Variants in MAN1C1 observed in about 807,000 individuals in gnomAD.
MAN1C1 encodes mannosidase alpha class 1C member 1, also known as mannosyl-oligosaccharide 1,2-alpha-mannosidase IC.
MAN1C1 carries 49 observed loss-of-function variants against 71.5 expected under a neutral mutation model. That is an observed-to-expected ratio of 0.69 (90% CI 0.54 to 0.87). The LOEUF (loss-of-function observed/expected upper bound fraction) is 0.87, where lower values mean the gene tolerates loss of function less well. Among genes scored for constraint, MAN1C1 ranks in the 40% least tolerant of loss-of-function variants. MAN1C1 has a pLI of 0.00. For synonymous variants in MAN1C1, 352 were observed against 343.7 expected (o/e 1.02, Z -0.27); for missense variants, 743 against 835.0 (o/e 0.89, Z 1.36).
chr1:25,698,468 A>G (rs1394356760), intron 2 of MAN1C1, among the ~76,000 whole-genome samples: 1 of 152,190 alleles, frequency 6.6e-6, no homozygotes. Flanking sequence ...AGTGCCTGCC[A>G]TGCGCTACAG....
At chr1:25,688,223 T>C (rs2046261312) in intron 2 of MAN1C1, among the ~76,000 whole-genome samples, 1 of 152,202 alleles carries the variant, frequency 6.6e-6, no homozygotes, top group Non-Finnish European at 1.5e-5. Flanking sequence ...ACTTCAAATA[T>C]GAATTAAAGA....
At position 25,749,339 on chromosome 1, in the gene MAN1C1, G is replaced by A; in HGVS notation, c.834+4G>A. On this transcript the variant is annotated splice_donor_region_variant and intron_variant, in intron 4 of 11. Coordinates refer to ENST00000374332, the MANE Select transcript of MAN1C1 (RefSeq NM_020379.4). ...CTTCTACCTGACAGGAGAAGAGGTGGGTTGGCCTTTCATGACCCCTGAACT... is the reference window on the plus strand; with the variant it reads ...CTTCTACCTGACAGGAGAAGAGGTGAGTTGGCCTTTCATGACCCCTGAACT... The A allele has an allele frequency of 6.2e-7, 1 of 1,608,716 alleles. No homozygotes were observed. The highest frequency in any genetic ancestry group is 8.5e-7 in the Non-Finnish European group (1 of 1,176,892).
intron 9 of MAN1C1, among the ~76,000 whole-genome samples, chr1:25,780,239 G>A (rs987971521): frequency 1.3e-5 from 2 of 152,206 alleles, no homozygotes; most frequent in Non-Finnish European, 2.9e-5. Flanking sequence ...AGTGGCTACA[G>A]AGGTGGTTAT....
intron 2 of MAN1C1, among the ~76,000 whole-genome samples, chr1:25,689,299 C>A (rs1390968165): frequency 6.6e-6 from 1 of 152,112 alleles, no homozygotes; most frequent in East Asian, 1.9e-4. Flanking sequence ...GCAGTCCTTA[C>A]GGGCTGGAAC....
chr1:25,648,104 G>A (rs1324228044), intron 1 of MAN1C1, among the ~76,000 whole-genome samples: 1 of 152,224 alleles, frequency 6.6e-6, no homozygotes, highest in Non-Finnish European at 1.5e-5. Flanking sequence ...TTCCTTTGGG[G>A]CATGTGGGCC....
chr1:25,624,844 G>A (rs1169471499), intron 1 of MAN1C1, among the ~76,000 whole-genome samples: 1 of 152,084 alleles, frequency 6.6e-6, no homozygotes, highest in Non-Finnish European at 1.5e-5. Flanking sequence ...GTGCAATGCA[G>A]CGATGTCCTG....
intron 1 of MAN1C1, among the ~76,000 whole-genome samples, chr1:25,669,721 A>G (rs1235787511): frequency 6.6e-6 from 1 of 152,218 alleles, no homozygotes; most frequent in Non-Finnish European, 1.5e-5. Context: ...TTGAGGCTGC[A>G]GTGAGCTACT....
In MAN1C1 at chr1:25,753,699, G is replaced by C; in HGVS notation, c.929+121G>C. ...CAGTAGGCAGGCAAGCAGGAGGGGGGACCCTTGGGACCACCTCTGTTGAAC... is the reference window on the plus strand; with the variant it reads ...CAGTAGGCAGGCAAGCAGGAGGGGGCACCCTTGGGACCACCTCTGTTGAAC... On this transcript the variant is annotated intron_variant, in intron 5 of 11. Coordinates refer to ENST00000374332, the MANE Select transcript of MAN1C1 (RefSeq NM_020379.4). The surrounding 1 kb of genome is among the most constrained non-coding windows in gnomAD (Gnocchi z 4.9). The C allele has an allele frequency of 1.4e-6, 1 of 730,320 alleles. No individual in the cohort carries two copies. The highest frequency in any genetic ancestry group is 2.3e-6 in the Non-Finnish European group (1 of 440,732). 45.2% of individuals were successfully genotyped at this position (730,320 alleles called of 1,614,324 possible).
At chr1:25,754,715 C>T (rs543558333) in intron 5 of MAN1C1, among the ~76,000 whole-genome samples, 10 of 152,248 alleles carry the variant, frequency 6.6e-5, no homozygotes, top group Admixed American at 1.3e-4. Flanking sequence ...TCCCCCTCCC[C>T]GGGTCTGGGG....
chr1:25,659,933 C>T (rs1369111554), intron 1 of MAN1C1, among the ~76,000 whole-genome samples: 2 of 152,236 alleles, frequency 1.3e-5, no homozygotes, highest in African/African-American at 2.4e-5. Flanking sequence ...TCGCAGCCCA[C>T]ACCAAATCCA....
At chr1:25,629,723 T>C (rs2045351895) in intron 1 of MAN1C1, among the ~76,000 whole-genome samples, 1 of 151,084 alleles carries the variant, frequency 6.6e-6, no homozygotes, top group African/African-American at 2.5e-5. Flanking sequence ...ACCCAGCCAT[T>C]TGCCCACTTT....
intron 5 of MAN1C1, among the ~76,000 whole-genome samples, chr1:25,758,048 G>T (rs952946221): frequency 6.6e-6 from 1 of 152,254 alleles, no homozygotes; most frequent in Non-Finnish European, 1.5e-5. Flanking sequence ...TGAAATTCCA[G>T]GCCGGGGCCA....
chr1:25,658,689 A>T, intron 1 of MAN1C1: 1 of 152,180 alleles, frequency 6.6e-6, no homozygotes, highest in East Asian at 1.9e-4. Flanking sequence ...TCATGAGGTC[A>T]AGTGATCTGC....
intron 6 of MAN1C1, 192 bp from the exon 7 acceptor site, chr1:25,763,682 C>T (rs115344910): frequency 1.0e-4 from 61 of 584,978 alleles, no homozygotes; most frequent in African/African-American, 7.6e-4. Context: ...ACACCCTTCA[C>T]GTGGCACCAG....
intron 2 of MAN1C1, among the ~76,000 whole-genome samples, chr1:25,744,789 C>T (rs1412815782): frequency 3.3e-5 from 5 of 152,214 alleles, no homozygotes; most frequent in Non-Finnish European, 5.9e-5. Flanking sequence ...AGATTAGAGG[C>T]TAACTCTGAA....
rs11810034 is a variant in MAN1C1 at position 25,779,458 on chromosome 1, T to C, written c.1477+1134T>C. On this transcript the variant is annotated intron_variant, in intron 9 of 11. Coordinates refer to ENST00000374332, the MANE Select transcript of MAN1C1 (RefSeq NM_020379.4). The surrounding 1 kb of genome is among the most constrained non-coding windows in gnomAD (Gnocchi z 4.6). ...GGAGCTGTTTCCAGGAAGTCAGAGA[T>C]TCGCAATGGGTCTTTAAAACTGGTT... Among the ~76,000 whole-genome samples the C allele has an allele frequency of 0.019, 2,920 of 152,276 alleles. 111 individuals are homozygous for C. Among genetic ancestry groups the C allele is most frequent in the African/African-American group, 0.067 (2,767 of 41,536 alleles).
chr1:25,724,793 A>T (rs956204634), intron 2 of MAN1C1, among the ~76,000 whole-genome samples: 1 of 152,154 alleles, frequency 6.6e-6, no homozygotes, highest in African/African-American at 2.4e-5. Context: ...TGCCACCCTG[A>T]TTTGCATTCA....
At chr1:25,759,179 A>C (rs1346457801) in intron 6 of MAN1C1, 2 of 189,622 alleles carry the variant, frequency 1.1e-5, no homozygotes, top group African/African-American at 2.3e-5. Context: ...CTGGCATGGC[A>C]ATACCCTGCC....
chr1:25,712,253 A>T (rs2046622829), intron 2 of MAN1C1, among the ~76,000 whole-genome samples: 3 of 152,118 alleles, frequency 2.0e-5, no homozygotes, highest in African/African-American at 7.2e-5. Flanking sequence ...CCCACGTCTA[A>T]CCTCCAGTTA....
Sources: gnomAD v4.1 joint callset for allele counts (sites outside exome capture counted in the v4.1 genomes callset) on GRCh38, gnomAD v4.1.1 for gene constraint, Gnocchi (gnomAD v3.1) non-coding constraint, MANE v1.5 for transcripts, NCBI Gene and HGNC (gene_info 2026-07-23, HGNC 2026-07-21) for gene names.